SH3BP4: variants seen among roughly 807,000 people sequenced by gnomAD.
SH3BP4 encodes the protein SH3 domain-binding protein 4.
In SH3BP4, 33 loss-of-function variants were observed where a neutral mutation model predicts 65.5. That is an observed-to-expected ratio of 0.50 (90% confidence interval 0.38 to 0.67). The LOEUF (loss-of-function observed/expected upper bound fraction) is 0.67. Among genes scored for constraint, SH3BP4 ranks in the 30% least tolerant of loss-of-function variants. SH3BP4 has a pLI of 0.00. For missense variants in SH3BP4, 1,134 were observed against 1,261.4 expected, an observed-to-expected ratio of 0.90 and a Z score of 1.53; for synonymous variants, 552 against 545.5, an observed-to-expected ratio of 1.01 and a Z score of -0.17.
rs909572539 is a variant in SH3BP4 at position 235,034,860 on chromosome 2, T to C, written c.-132-11T>C. On this transcript the variant is annotated splice_polypyrimidine_tract_variant and intron_variant, in intron 2 of 5. Transcript: ENST00000392011. This position sits in a 1 kb window ranked among gnomAD's most constrained non-coding sequence, Gnocchi z 6.2. ...GCTTAAGGGACTTTTTTGTTCCTCCTCTACTTTCAGGAAGAAACATATTGC... is the reference window on the plus strand; with the variant it reads ...GCTTAAGGGACTTTTTTGTTCCTCCCCTACTTTCAGGAAGAAACATATTGC... 1.5e-6 allele frequency: 1 copy of C among 654,654 alleles called. No individual in the cohort carries two copies. Among genetic ancestry groups the C allele is most frequent in the African/African-American group, 1.8e-5 (1 of 54,870 alleles). 40.6% of individuals were successfully genotyped at this position (654,654 alleles called of 1,614,324 possible). A position where few individuals can be genotyped will look rare whatever the true frequency, so the allele number is the denominator to read the frequency against.
At chr2:235,028,407 A>G (rs557031012) in intron 2 of SH3BP4, among the ~76,000 whole-genome samples, 1 of 152,336 alleles carries the variant, frequency 6.6e-6, no homozygotes, top group East Asian at 1.9e-4. Flanking sequence ...TGTTTTGAGA[A>G]TGTGTGGCTT....
intron 3 of SH3BP4, among the ~76,000 whole-genome samples, chr2:235,037,023 C>T (rs1265456824): frequency 6.6e-6 from 1 of 152,130 alleles, no homozygotes; most frequent in African/African-American, 2.4e-5. Flanking sequence ...GATAGACAGA[C>T]TTCAAGGTGG....
At chr2:235,015,223 G>A (rs1381928512) in intron 2 of SH3BP4, among the ~76,000 whole-genome samples, 1 of 152,212 alleles carries the variant, frequency 6.6e-6, no homozygotes, top group African/African-American at 2.4e-5. Flanking sequence ...CCAGACCACA[G>A]TGGAACACTT....
chr2:234,997,603 G>C lies in SH3BP4; in HGVS notation c.-133+2227G>C, dbSNP rs568010140. Among the ~76,000 whole-genome samples, 3 of 152,276 alleles carry C rather than the reference G, an allele frequency of 2.0e-5. No individual in the cohort carries two copies. Among genetic ancestry groups the C allele is most frequent in the African/African-American group, 7.2e-5 (3 of 41,554 alleles). On this transcript the variant is annotated intron_variant, in intron 2 of 5. Coordinates refer to ENST00000392011, the MANE Select transcript of SH3BP4 (RefSeq NM_014521.3). This position sits in a 1 kb window ranked among gnomAD's most constrained non-coding sequence, Gnocchi z 4.2. ...GGAGTGTCAGCTAGGGGACGGAGCC[G>C]GTGCGGAGATCGAGGCCCCACAAGG... is the stretch of plus-strand genomic sequence containing the variant.
chr2:235,039,523 T>C (rs1695568888), intron 3 of SH3BP4, among the ~76,000 whole-genome samples: 1 of 151,910 alleles, frequency 6.6e-6, no homozygotes. Flanking sequence ...ACGTTTCCTT[T>C]CTTTCTTTCA....
At chr2:234,980,151 C>T (rs1035697066) in intron 1 of SH3BP4, among the ~76,000 whole-genome samples, 17 of 152,180 alleles carry the variant, frequency 1.1e-4, no homozygotes, top group African/African-American at 3.9e-4. Context: ...ATGTGCCTTT[C>T]CCCTGTAAGT....
chr2:234,977,080 T>G lies in SH3BP4; in HGVS notation c.-206-18223T>G, dbSNP rs1367130888. On this transcript the variant is annotated intron_variant, in intron 1 of 5. Coordinates refer to ENST00000392011, the MANE Select transcript of SH3BP4 (RefSeq NM_014521.3). This position sits in a 1 kb window ranked among gnomAD's most constrained non-coding sequence, Gnocchi z 5.1. ...GCCTGTGGGAATTCTCTGTATTATC[T>G]CCACGACTTTTCTATGAATTTAAAT... 6.6e-6 allele frequency among the ~76,000 whole-genome samples: 1 copy of G among 152,232 alleles called. No homozygotes were observed. The highest frequency in any genetic ancestry group is 6.5e-5 in the Admixed American group (1 of 15,282).
chr2:235,031,627 C>T (rs889143813), intron 2 of SH3BP4, among the ~76,000 whole-genome samples: 3 of 152,206 alleles, frequency 2.0e-5, no homozygotes, highest in African/African-American at 4.8e-5. Context: ...CCCCTCCATC[C>T]CTCTAGCCCC....
chr2:234,964,891 A>G (rs1012629014), intron 1 of SH3BP4, among the ~76,000 whole-genome samples: 6 of 152,066 alleles, frequency 3.9e-5, no homozygotes, highest in African/African-American at 7.2e-5. Flanking sequence ...TGACCCATCC[A>G]TCATCGACGC....
At position 234,978,183 on chromosome 2, in the gene SH3BP4, C is replaced by T. The variant is rs1288277447; in HGVS notation, c.-206-17120C>T. 1.3e-5 allele frequency among the ~76,000 whole-genome samples: 2 copies of T among 151,960 alleles called. No homozygotes were observed. Among genetic ancestry groups the T allele is most frequent in the South Asian group, 4.2e-4 (2 of 4,812 alleles). On this transcript the variant is annotated intron_variant, in intron 1 of 5. Coordinates refer to ENST00000392011, the MANE Select transcript of SH3BP4 (RefSeq NM_014521.3). This position sits in a 1 kb window ranked among gnomAD's most constrained non-coding sequence, Gnocchi z 4.1. ...GTTGGCCAGGCTGGAATCGAACTCC[C>T]GACCTCAGGTGATCCGCCTGCCTCA... is the stretch of plus-strand genomic sequence containing the variant.
intron 1 of SH3BP4, chr2:234,981,550 A>G (rs992683621): frequency 6.6e-6 from 1 of 152,190 alleles, no homozygotes; most frequent in Non-Finnish European, 1.5e-5. Flanking sequence ...GAATTTGCCC[A>G]GCGTGTTTAG....
chr2:234,989,933 C>CT (rs1467136856), intron 1 of SH3BP4, among the ~76,000 whole-genome samples: 7 of 152,274 alleles, frequency 4.6e-5, no homozygotes, highest in African/African-American at 1.4e-4. Flanking sequence ...AACTCTGAAA[C>CT]TTTTTCAGCA....
rs548894541 is a variant in SH3BP4 at position 234,976,653 on chromosome 2, T to C, written c.-206-18650T>C. ...GCTGGGCAGGTGACCAAGGTCACCA[T>C]GGCAGGGATAAGTCACGCTGATGGC... On this transcript the variant is annotated intron_variant, in intron 1 of 5. Coordinates refer to ENST00000392011, the MANE Select transcript of SH3BP4 (RefSeq NM_014521.3). The surrounding 1 kb of genome is among the most constrained non-coding windows in gnomAD (Gnocchi z 4.7). Among the ~76,000 whole-genome samples the C allele has an allele frequency of 4.8e-4, 73 of 152,294 alleles. No individual in the cohort carries two copies. Among genetic ancestry groups the C allele is most frequent in the African/African-American group, 1.6e-3 (67 of 41,566 alleles).
chr2:234,986,759 C>T (rs1476280605), intron 1 of SH3BP4, among the ~76,000 whole-genome samples: 3 of 151,872 alleles, frequency 2.0e-5, no homozygotes, highest in Non-Finnish European at 4.4e-5. Flanking sequence ...GACCGAGAGG[C>T]CAGATGGGAA....
At chr2:234,980,620 C>T (rs987208929) in intron 1 of SH3BP4, among the ~76,000 whole-genome samples, 1 of 152,204 alleles carries the variant, frequency 6.6e-6, no homozygotes, top group East Asian at 1.9e-4. Context: ...AAATGTTTAT[C>T]TAGGGAGTGC....
intron 1 of SH3BP4, among the ~76,000 whole-genome samples, chr2:234,964,049 C>T (rs571526641): frequency 6.6e-6 from 1 of 152,286 alleles, no homozygotes; most frequent in South Asian, 2.1e-4. Context: ...TAGTTTTGCA[C>T]AGGGGCCTGG....
rs116354921 is a variant in SH3BP4 at position 234,961,018 on chromosome 2, G to T, written c.-207+8848G>T. 5.8e-3 allele frequency among the ~76,000 whole-genome samples: 878 copies of T among 152,198 alleles called. 6 individuals carry two copies. Among genetic ancestry groups the T allele is most frequent in the African/African-American group, 0.02 (843 of 41,508 alleles). On this transcript the variant is annotated intron_variant, in intron 1 of 5. Coordinates refer to ENST00000392011, the MANE Select transcript of SH3BP4 (RefSeq NM_014521.3). ...TCTTTGTTGGGACCTGGTTCATTGCGGGGACATCACAGTGGGAAAGAGCAG... is the reference window on the plus strand; with the variant it reads ...TCTTTGTTGGGACCTGGTTCATTGCTGGGACATCACAGTGGGAAAGAGCAG...
intron 2 of SH3BP4, among the ~76,000 whole-genome samples, chr2:235,015,053 G>C (rs1694645923): frequency 6.6e-6 from 1 of 152,174 alleles, no homozygotes; most frequent in Non-Finnish European, 1.5e-5. Context: ...TGCAAATAAG[G>C]TGCAGTGAAT....
In SH3BP4 at chr2:235,053,866, C is replaced by A; in HGVS notation, c.*50C>A. The A allele has an allele frequency of 7.0e-7, 1 of 1,426,490 alleles. No individual in the cohort carries two copies. The highest frequency in any genetic ancestry group is 9.9e-7 in the Non-Finnish European group (1 of 1,011,106). The allele number at this position is 1,426,490 out of a possible 1,614,324, so 88.4% of individuals were successfully genotyped here. A position where few individuals can be genotyped will look rare whatever the true frequency, so the allele number is the denominator to read the frequency against. ...TCTGGAGTGCAAGCCCTCTTCTGCCCTGCGTGCCCTGCTGTCACCGCGGAG... is the reference window on the plus strand; with the variant it reads ...TCTGGAGTGCAAGCCCTCTTCTGCCATGCGTGCCCTGCTGTCACCGCGGAG... On this transcript the variant is annotated 3_prime_UTR_variant, in exon 6 of 6. Transcript: ENST00000392011.
Sources: gnomAD v4.1 joint callset for allele counts (sites outside exome capture counted in the v4.1 genomes callset) on GRCh38, gnomAD v4.1.1 for gene constraint, Gnocchi (gnomAD v3.1) non-coding constraint, MANE v1.5 for transcripts, NCBI Gene and HGNC (gene_info 2026-07-23, HGNC 2026-07-21) for gene names.